ARID5B: variants seen among roughly 807,000 people sequenced by gnomAD.
The protein encoded by ARID5B is AT-rich interactive domain-containing protein 5B.
A neutral mutation model predicts 97.2 loss-of-function variants in ARID5B; 13 were observed. That is an observed-to-expected ratio of 0.13 (90% CI 0.09 to 0.21). ARID5B has a LOEUF of 0.21. Among genes scored for constraint, ARID5B ranks in the 10% least tolerant of loss-of-function variants. The pLI is 1.00. For synonymous variants in ARID5B, 556 were observed against 570.3 expected, an observed-to-expected ratio of 0.97 and a Z score of 0.36; for missense variants, 1,210 against 1,465.3, an observed-to-expected ratio of 0.83 and a Z score of 2.84.
At chr10:61,906,199 A>T (rs1008205964) in intron 2 of ARID5B, among the ~76,000 whole-genome samples, 2 of 152,164 alleles carry the variant, frequency 1.3e-5, no homozygotes, top group African/African-American at 4.8e-5. Context: ...TTTGTTCTAG[A>T]TATTCTTAAT....
At chr10:62,065,762 C>T (rs1348473173) in intron 7 of ARID5B, among the ~76,000 whole-genome samples, 5 of 145,764 alleles carry the variant, frequency 3.4e-5, no homozygotes, top group East Asian at 4.2e-4. Context: ...AGGAGGATAG[C>T]GTGAACCTGG....
intron 2 of ARID5B, among the ~76,000 whole-genome samples, chr10:61,921,904 T>C (rs778604815): frequency 4.6e-5 from 7 of 152,140 alleles, no homozygotes; most frequent in Non-Finnish European, 7.4e-5. Flanking sequence ...TGCAGTAGTG[T>C]GACCACGGCT....
Position 61,902,397 on chromosome 10 carries a change from A to G in ARID5B, c.260A>G (p.Asn87Ser). Reference sequence around the variant, plus strand: ...CCAGAAGACACTCCCCAGGGCAGAAATAGCGACCATGGCGAGGTGGTAAAC... The same window carrying G: ...CCAGAAGACACTCCCCAGGGCAGAAGTAGCGACCATGGCGAGGTGGTAAAC... The part of the protein sequence containing the change: ...FLPEDTPQGR[N>S]SDHGEDEVIA... The change falls in exon 2 of 10, where the codon AAT becomes AGT. Residue 87 changes from asparagine to serine, a missense_variant. By Grantham distance (46) the Asn-to-Ser change is conservative. This residue lies in a region of ARID5B where 80 missense variants were observed against 133.2 expected (regional missense o/e 0.60). Transcript: ENST00000279873. The G allele has an allele frequency of 6.2e-7, 1 of 1,614,076 alleles. No homozygotes were observed. The highest frequency in any genetic ancestry group is 1.7e-5 in the Admixed American group (1 of 60,016).
intron 8 of ARID5B, among the ~76,000 whole-genome samples, chr10:62,075,113 A>G (rs1840110657): frequency 1.3e-5 from 2 of 152,220 alleles, no homozygotes; most frequent in South Asian, 4.1e-4. Flanking sequence ...TTATGGAGGC[A>G]GGTAGCAAAG....
At chr10:62,050,693 C>T (rs713240) in intron 4 of ARID5B, among the ~76,000 whole-genome samples, 195 bp from the exon 5 acceptor site, 60,818 of 151,972 alleles carry the variant, frequency 0.4, 13,370 homozygotes, top group Non-Finnish European at 0.51. Context: ...CTTTGGGAAA[C>T]GTGTACAGAA....
chr10:62,010,637 A>G (rs1373981577), intron 4 of ARID5B, among the ~76,000 whole-genome samples: 1 of 152,196 alleles, frequency 6.6e-6, no homozygotes, highest in African/African-American at 2.4e-5. Context: ...TTATCTTTTC[A>G]AACCAAAGAG....
chr10:62,010,990 G>A (rs533172415), intron 4 of ARID5B, among the ~76,000 whole-genome samples: 9 of 152,318 alleles, frequency 5.9e-5, no homozygotes, highest in African/African-American at 2.2e-4. Context: ...AAAGTGTTAA[G>A]TAAAAAAGGC....
chr10:61,901,876 ATTG>A, intron 1 of ARID5B, 146 bp downstream of exon 1: 1 of 714,526 alleles, frequency 1.4e-6, no homozygotes, highest in Non-Finnish European at 2.4e-6. Context: ...AATCATTTTT[ATTG>A]TTTAAAAAAA....
intron 3 of ARID5B, among the ~76,000 whole-genome samples, chr10:61,984,157 T>C (rs1188791485): frequency 6.6e-6 from 1 of 152,190 alleles, no homozygotes; most frequent in East Asian, 1.9e-4. Flanking sequence ...CTCTGGGATG[T>C]GCTTTACGTT....
intron 4 of ARID5B, among the ~76,000 whole-genome samples, chr10:62,011,020 C>T (rs1041102900): frequency 1.3e-5 from 2 of 152,176 alleles, no homozygotes; most frequent in African/African-American, 2.4e-5. Flanking sequence ...ATAACATTCT[C>T]ATATGGAAAA....
chr10:61,941,684 CA>C (rs1201129409), intron 3 of ARID5B, among the ~76,000 whole-genome samples: 4 of 152,160 alleles, frequency 2.6e-5, no homozygotes, highest in Non-Finnish European at 5.9e-5. Context: ...TATTTTCTTG[CA>C]GTTTGAGTTT....
At chr10:62,076,988 C>A (rs568949593) in intron 8 of ARID5B, among the ~76,000 whole-genome samples, 30 of 152,272 alleles carry the variant, frequency 2.0e-4, no homozygotes, top group African/African-American at 6.5e-4. Flanking sequence ...GGCATCCTAG[C>A]CCTATCAACA....
chr10:62,092,770 C>T lies in ARID5B; in HGVS notation c.3307C>T (p.Leu1103=), dbSNP rs375841593. The T allele has an allele frequency of 2.5e-6, 4 of 1,614,092 alleles. No homozygotes were observed. In the African/African-American group the frequency reaches 5.3e-5, roughly 22 times the overall value. ...GCTCCCGGCTGGGTATTCTCATTCT[C>T]TGCAGTACTTGAAAAACCAGACTGT... ...SRLPAGYSHS[L]QYLKNQTVLS... is the part of the protein sequence containing the mutation. The change falls in exon 10 of 10, where the codon CTG becomes TTG. Residue 1103 remains leucine, a synonymous_variant. Transcript: ENST00000279873.
intron 4 of ARID5B, chr10:62,025,399 AAG>A (rs1414492595): frequency 6.6e-6 from 1 of 152,202 alleles, no homozygotes; most frequent in African/African-American, 2.4e-5. Context: ...GGTATCTTTA[AAG>A]AGAGTTTGGA....
intron 4 of ARID5B, among the ~76,000 whole-genome samples, chr10:62,016,441 A>G (rs1297428787): frequency 3.3e-5 from 5 of 152,260 alleles, no homozygotes; most frequent in Non-Finnish European, 4.4e-5. Context: ...GTAAAATGCC[A>G]TCAATTGAGA....
At position 62,093,064 on chromosome 10, in the gene ARID5B, G is replaced by T; in HGVS notation, c.*34G>T. 3.8e-6 allele frequency: 6 copies of T among 1,566,308 alleles called. No individual in the cohort carries two copies. Among genetic ancestry groups the T allele is most frequent in the Non-Finnish European group, 4.3e-6 (5 of 1,163,248 alleles). On this transcript the variant is annotated 3_prime_UTR_variant, in exon 10 of 10. Coordinates refer to ENST00000279873, the MANE Select transcript of ARID5B (RefSeq NM_032199.3). ...CTGCCCAGCAGTCCAAAGCGGCATG[G>T]CCAACAGAGCTTCACTCCTTACCCA...
At chr10:61,925,602 T>A (rs1326314807) in intron 2 of ARID5B, among the ~76,000 whole-genome samples, 1 of 152,174 alleles carries the variant, frequency 6.6e-6, no homozygotes, top group Non-Finnish European at 1.5e-5. Context: ...GGGATGCAAT[T>A]TTCTGCTCTC....
chr10:62,057,645 C>T (rs932953292), intron 6 of ARID5B, among the ~76,000 whole-genome samples: 3 of 152,022 alleles, frequency 2.0e-5, no homozygotes, highest in Non-Finnish European at 2.9e-5. Flanking sequence ...AATAATATGA[C>T]GTAGCTTTAT....
Position 62,057,141 on chromosome 10 carries a change from T to C in ARID5B, c.871T>C (p.Leu291=), listed in dbSNP as rs1279090917. 1 of 1,613,656 alleles carries C rather than the reference T, an allele frequency of 6.2e-7. No individual in the cohort carries two copies. Among genetic ancestry groups the C allele is most frequent in the Non-Finnish European group, 8.5e-7 (1 of 1,179,756 alleles). ...GGTGAAATGTGAGGCCAGGTCAGCC[T>C]TGACCAAGCCGAAGAATAACCATAA... ...AKVKCEARSA[L]TKPKNNHNCK... is the part of the protein sequence containing the mutation. The change falls in exon 6 of 10, where the codon TTG becomes CTG. Residue 291 remains leucine (L), a synonymous_variant. Coordinates refer to ENST00000279873, the MANE Select transcript of ARID5B (RefSeq NM_032199.3).
Sources: gnomAD v4.1 joint callset for allele counts (sites outside exome capture counted in the v4.1 genomes callset) on GRCh38, gnomAD v4.1.1 for gene constraint, gnomAD v4.1.1 regional missense constraint, MANE v1.5 for transcripts, NCBI Gene and HGNC (gene_info 2026-07-23, HGNC 2026-07-21) for gene names.